RBM6: variants seen among roughly 807,000 people sequenced by gnomAD.
The protein encoded by RBM6 is RNA binding motif protein 6.
Under a neutral mutation model 140.4 loss-of-function variants are expected in RBM6, and 23 were observed. The ratio of observed to expected loss-of-function variants is 0.16; its 90% CI spans 0.12 to 0.23. RBM6 has a LOEUF of 0.23. Among genes scored for constraint, RBM6 ranks in the 10% least tolerant of loss-of-function variants. The pLI is 1.00. For missense variants in RBM6, 1,139 were observed against 1,386.7 expected (o/e 0.82, Z 2.84); for synonymous variants, 439 against 475.6 (o/e 0.92, Z 1.00).
chr3:50,003,444 C>T (rs1281260382), intron 6 of RBM6, among the ~76,000 whole-genome samples: 1 of 151,984 alleles, frequency 6.6e-6, no homozygotes, highest in Non-Finnish European at 1.5e-5. Context: ...GTGTGTGCCT[C>T]TGAGAAGGTT....
Position 49,957,839 on chromosome 3 carries a change from T to C in RBM6, c.-66-4737T>C, listed in dbSNP as rs1290497494. 5.3e-5 allele frequency among the ~76,000 whole-genome samples: 8 copies of C among 151,034 alleles called. No homozygotes were observed. The East Asian group carries it at 1.4e-3, about 26-fold the overall frequency. On this transcript the variant is annotated intron_variant, in intron 1 of 20. Transcript: ENST00000266022. ...CTTTACCAGAGATCTTTCTTTCTTTTTTTTTTTTTTGGGATGGAGTCTCGC... is the reference window on the plus strand; with the variant it reads ...CTTTACCAGAGATCTTTCTTTCTTTCTTTTTTTTTTGGGATGGAGTCTCGC...
chr3:49,992,426 C>T (rs1010013259), intron 5 of RBM6, among the ~76,000 whole-genome samples: 1 of 152,224 alleles, frequency 6.6e-6, no homozygotes, highest in Non-Finnish European at 1.5e-5. Context: ...GAAATTCGTA[C>T]TGCCTTTCAG....
chr3:49,984,606 A>ATCGCATCGCATCGCATCG (rs1559552659), intron 5 of RBM6, among the ~76,000 whole-genome samples: 280 of 99,142 alleles, frequency 2.8e-3, no homozygotes, highest in African/African-American at 0.012. Context: ...ACATCACATC[A>ATCGCATCGCATCGCATCG]CATCACATCG....
chr3:50,068,611 ACTATTGGGAAAGGC>A, intron 17 of RBM6, 65 bp from the exon 18 acceptor site: 1 of 1,309,538 alleles, frequency 7.6e-7, no homozygotes, highest in Non-Finnish European at 1.1e-6. Context: ...TCCAAAAGCA[ACTATTGGGAAAGGC>A]CTAGAAGCAT....
At chr3:50,070,401 CT>C (rs1267003803) in intron 18 of RBM6, 53 bp from the exon 19 acceptor site, 7 of 1,279,020 alleles carry the variant, frequency 5.5e-6, no homozygotes, top group Non-Finnish European at 8.0e-6. Flanking sequence ...AATTTCCCCA[CT>C]CCCCAATTCC....
intron 6 of RBM6, among the ~76,000 whole-genome samples, 182 bp downstream of exon 6, chr3:49,999,695 C>T (rs1190184546): frequency 6.6e-6 from 1 of 151,480 alleles, no homozygotes; most frequent in Non-Finnish European, 1.5e-5. Flanking sequence ...CTCTACAAAA[C>T]TTAATGGGCA....
chr3:49,971,720 A>G lies in RBM6; in HGVS notation c.1324-339A>G, dbSNP rs372763617. 2.0e-5 allele frequency among the ~76,000 whole-genome samples: 3 copies of G among 152,028 alleles called. No individual in the cohort carries two copies. In the South Asian group the frequency reaches 6.2e-4, roughly 31 times the overall value. On this transcript the variant is annotated intron_variant, in intron 3 of 20. Transcript: ENST00000266022. ...GTTGGCTAATTTTTGTATTTTTAGTAGAGACGGTTTTACCATGTTGGCTAG... is the reference window on the plus strand; with the variant it reads ...GTTGGCTAATTTTTGTATTTTTAGTGGAGACGGTTTTACCATGTTGGCTAG...
chr3:50,006,806 G>A (rs770393813), intron 6 of RBM6, among the ~76,000 whole-genome samples: 15 of 151,866 alleles, frequency 9.9e-5, no homozygotes, highest in East Asian at 2.0e-4. Context: ...GGTGGCGGGC[G>A]CCTGTAGTCC....
At chr3:49,988,445 T>C (rs995956993) in intron 5 of RBM6, among the ~76,000 whole-genome samples, 10 of 151,980 alleles carry the variant, frequency 6.6e-5, no homozygotes, top group South Asian at 2.1e-4. Flanking sequence ...CGCCTGGCCT[T>C]CTTTTTTTTT....
intron 18 of RBM6, among the ~76,000 whole-genome samples, chr3:50,069,456 T>C (rs945449912): frequency 2.0e-5 from 3 of 147,042 alleles, no homozygotes; most frequent in Non-Finnish European, 3.0e-5. Context: ...TGCAGTGAGC[T>C]GAGTTTGTGC....
intron 6 of RBM6, among the ~76,000 whole-genome samples, chr3:50,002,234 T>C (rs950097390): frequency 6.6e-6 from 1 of 151,412 alleles, no homozygotes; most frequent in African/African-American, 2.4e-5. Flanking sequence ...ACTACAGATA[T>C]GCGCCACCAT....
At chr3:50,037,819 C>CTT (rs11328228) in intron 6 of RBM6, among the ~76,000 whole-genome samples, 20 of 127,510 alleles carry the variant, frequency 1.6e-4, no homozygotes, top group South Asian at 2.5e-4. Context: ...CTTTTCTTTC[C>CTT]TTTTTTTTTT....
At chr3:49,943,383 G>A (rs1423560457) in intron 1 of RBM6, among the ~76,000 whole-genome samples, 1 of 151,916 alleles carries the variant, frequency 6.6e-6, no homozygotes, top group African/African-American at 2.4e-5. Context: ...GCTCACTGCA[G>A]CCTCGAACTC....
chr3:49,967,649 A>C lies in RBM6; in HGVS notation c.224A>C (p.Tyr75Ser). The C allele has an allele frequency of 6.2e-7, 1 of 1,614,110 alleles. No homozygotes were observed. Among genetic ancestry groups the C allele is most frequent in the East Asian group, 2.2e-5 (1 of 44,878 alleles). The change falls in exon 3 of 21, where the codon TAT becomes TCT. Residue 75 changes from tyrosine (Y) to serine (S), a missense_variant. Physicochemically the swap from Tyr to Ser is moderately radical, Grantham distance 144. Coordinates refer to ENST00000266022, the MANE Select transcript of RBM6 (RefSeq NM_005777.3). The surrounding 1 kb of genome is among the most constrained non-coding windows in gnomAD (Gnocchi z 4.0). ...FANVEEHSFSYGARDGPHGDY... is the reference protein window; with the variant it reads ...FANVEEHSFSSGARDGPHGDY... ...AATGTAGAGGAGCATTCTTTCAGCT[A>C]TGGAGCTAGAGACGGACCGCATGGT... is the stretch of plus-strand genomic sequence containing the variant.
intron 1 of RBM6, among the ~76,000 whole-genome samples, chr3:49,956,020 GA>G (rs199936500): frequency 6.8e-6 from 1 of 146,974 alleles, no homozygotes; most frequent in African/African-American, 2.5e-5. Flanking sequence ...TTTTGGTAGT[GA>G]AAAAAAATTT....
chr3:50,029,858 A>G (rs2088049702), intron 6 of RBM6, among the ~76,000 whole-genome samples: 1 of 151,874 alleles, frequency 6.6e-6, no homozygotes, highest in South Asian at 2.1e-4. Flanking sequence ...CCTCATCGCT[A>G]TAAAAATTTT....
chr3:49,968,765 G>A lies in RBM6; in HGVS notation c.1323+17G>A. ...GACCTTCAGGTATGTTGATGGGGTG[G>A]ATTGCTTTTTTTTTTTTTTTTTTTT... On this transcript the variant is annotated intron_variant, in intron 3 of 20. Transcript: ENST00000266022. 2 of 769,824 alleles carry A rather than the reference G, an allele frequency of 2.6e-6. No individual in the cohort carries two copies. Among genetic ancestry groups the A allele is most frequent in the South Asian group, 1.8e-5 (1 of 55,324 alleles). 47.7% of individuals were successfully genotyped at this position (769,824 alleles called of 1,614,324 possible). A position where few individuals can be genotyped will look rare whatever the true frequency, so the allele number is the denominator to read the frequency against.
chr3:49,968,532 G>T lies in RBM6; in HGVS notation c.1107G>T (p.Lys369Asn). ...AAAGTCCAGTTCAAGACCAAGATAA[G>T]TCACAGCTTTCTGGACGTGAAGAGC... ...NSQSPVQDQD[K>N]SQLSGREEQS... The change falls in exon 3 of 21, where the codon AAG (lysine) becomes AAT (asparagine). Residue 369 changes from lysine (K) to asparagine (N), a missense_variant. Transcript: ENST00000266022. The T allele has an allele frequency of 6.2e-7, 1 of 1,614,178 alleles. No individual in the cohort carries two copies. Among genetic ancestry groups the T allele is most frequent in the Non-Finnish European group, 8.5e-7 (1 of 1,180,040 alleles).
At chr3:49,993,073 C>T (rs1471292565) in intron 5 of RBM6, among the ~76,000 whole-genome samples, 3 of 152,148 alleles carry the variant, frequency 2.0e-5, no homozygotes, top group South Asian at 2.1e-4. Context: ...GATCTATGAC[C>T]GTTTGTACTT....
Sources: allele counts gnomAD v4.1 joint callset (sites outside exome capture counted in the v4.1 genomes callset), GRCh38; gene constraint gnomAD v4.1.1; non-coding constraint Gnocchi (gnomAD v3.1); transcripts MANE v1.5; gene names NCBI Gene and HGNC (gene_info 2026-07-23, HGNC 2026-07-21).